The following SLC35F3 variants were observed in gnomAD, a reference collection of about 807,000 sequenced individuals.
SLC35F3 encodes the protein solute carrier family 35 member F3.
Under a neutral mutation model 49.9 loss-of-function variants are expected in SLC35F3, and 25 were observed. The ratio of observed to expected loss-of-function variants is 0.50; its 90% CI spans 0.37 to 0.70. The LOEUF (loss-of-function observed/expected upper bound fraction) is 0.70, where lower values mean the gene tolerates loss of function less well. Ranked by LOEUF, SLC35F3 falls within the 30% of genes least tolerant of loss-of-function variation. The pLI, the probability that SLC35F3 is intolerant of heterozygous loss-of-function variation, is 0.00. For synonymous variants in SLC35F3, 275 were observed against 265.4 expected (o/e 1.04, Z -0.35); for missense variants, 525 against 639.8 (o/e 0.82, Z 1.94).
At chr1:234,202,557 G>A (rs7531501) in intron 2 of SLC35F3, among the ~76,000 whole-genome samples, 54,197 of 152,226 alleles carry the variant, frequency 0.36, 17,069 homozygotes, top group East Asian at 0.88. Context: ...TGTGAATGAC[G>A]TGCTGAAAGG....
intron 3 of SLC35F3, among the ~76,000 whole-genome samples, chr1:234,297,558 C>T (rs1345166513): frequency 6.6e-6 from 1 of 152,122 alleles, no homozygotes. Context: ...ACTATATGAT[C>T]TCACTAATAT....
chr1:234,015,745 C>A (rs1213361768), intron 2 of SLC35F3, among the ~76,000 whole-genome samples: 2 of 152,028 alleles, frequency 1.3e-5, no homozygotes, highest in Non-Finnish European at 2.9e-5. Context: ...TTGCTCTGGG[C>A]AATGATGTTT....
intron 2 of SLC35F3, among the ~76,000 whole-genome samples, chr1:234,080,284 C>T (rs1030183568): frequency 1.3e-5 from 2 of 152,164 alleles, no homozygotes; most frequent in African/African-American, 4.8e-5. Flanking sequence ...GGCATGGAAG[C>T]TCCATGCCCT....
chr1:234,251,475 A>C (rs1667737609), intron 3 of SLC35F3, among the ~76,000 whole-genome samples: 1 of 150,440 alleles, frequency 6.6e-6, no homozygotes, highest in Non-Finnish European at 1.5e-5. Context: ...AAAAAAAAAA[A>C]AAAAAACACA....
intron 2 of SLC35F3, among the ~76,000 whole-genome samples, chr1:234,220,432 C>T (rs1202881992): frequency 1.3e-5 from 2 of 152,114 alleles, no homozygotes; most frequent in Non-Finnish European, 2.9e-5. Context: ...AGCAGCAGTC[C>T]ACACATGAGC....
chr1:233,944,452 T>C (rs1306992041), intron 2 of SLC35F3, among the ~76,000 whole-genome samples: 1 of 152,172 alleles, frequency 6.6e-6, no homozygotes, highest in Admixed American at 6.6e-5. Context: ...TATTTTCTAG[T>C]CATTTTAGTT....
intron 3 of SLC35F3, among the ~76,000 whole-genome samples, chr1:234,251,086 A>G: frequency 6.6e-6 from 1 of 152,186 alleles, no homozygotes. Flanking sequence ...ACAAAGTCTG[A>G]AAGGAACAAC....
chr1:234,008,149 A>G (rs999428752), intron 2 of SLC35F3, among the ~76,000 whole-genome samples: 7 of 78,364 alleles, frequency 8.9e-5, no homozygotes, highest in African/African-American at 2.1e-4. Flanking sequence ...GTCTTCTCTC[A>G]CTCATCTATT....
chr1:234,044,981 C>T (rs1380395350), intron 2 of SLC35F3, among the ~76,000 whole-genome samples: 1 of 152,114 alleles, frequency 6.6e-6, no homozygotes, highest in South Asian at 2.1e-4. Context: ...AATCTATTGC[C>T]AGTTATCTGC....
At position 234,037,612 on chromosome 1, in the gene SLC35F3, G is replaced by A. The variant is rs139181933; in HGVS notation, c.283+131854G>A. Among the ~76,000 whole-genome samples the A allele has an allele frequency of 1.7e-3, 265 of 152,308 alleles. 1 individual carries two copies. The highest frequency in any genetic ancestry group is 5.8e-3 in the African/African-American group (241 of 41,574). On this transcript the variant is annotated intron_variant, in intron 2 of 7. Coordinates refer to ENST00000366618, the MANE Select transcript of SLC35F3 (RefSeq NM_173508.4). ...TAAATAAGTGGATGGATAATAGAAC[G>A]TCAGGTAGGTATGGAAGAAAAAATA...
chr1:234,214,539 G>A lies in SLC35F3; in HGVS notation c.284-16878G>A. ...GCCCGGGTGGCCCCGCTCAGCGCCTGCAACAGTCCGGTCCTGACCCTTACC... is the reference window on the plus strand; with the variant it reads ...GCCCGGGTGGCCCCGCTCAGCGCCTACAACAGTCCGGTCCTGACCCTTACC... On this transcript the variant is annotated intron_variant, in intron 2 of 7. Coordinates refer to ENST00000366618, the MANE Select transcript of SLC35F3 (RefSeq NM_173508.4). This position sits in a 1 kb window ranked among gnomAD's most constrained non-coding sequence, Gnocchi z 8.0. 6.4e-7 allele frequency: 1 copy of A among 1,559,864 alleles called. No individual in the cohort carries two copies. The highest frequency in any genetic ancestry group is 8.7e-7 in the Non-Finnish European group (1 of 1,155,404).
chr1:234,263,880 G>A (rs748743754), intron 3 of SLC35F3, among the ~76,000 whole-genome samples: 6 of 152,182 alleles, frequency 3.9e-5, no homozygotes, highest in Non-Finnish European at 7.3e-5. Flanking sequence ...AGGCCGAGGC[G>A]GGCAGATGAC....
At chr1:234,029,941 A>G (rs1664034484) in intron 2 of SLC35F3, among the ~76,000 whole-genome samples, 1 of 152,144 alleles carries the variant, frequency 6.6e-6, no homozygotes, top group African/African-American at 2.4e-5. Context: ...CTTTCTTTCC[A>G]TTGCCTCAGA....
At chr1:234,037,943 G>A (rs1017650167) in intron 2 of SLC35F3, among the ~76,000 whole-genome samples, 52 of 152,084 alleles carry the variant, frequency 3.4e-4, no homozygotes, top group African/African-American at 1.2e-3. Context: ...TTTTTGTTTT[G>A]TTTTGTTTTC....
chr1:234,031,397 A>G (rs1035883635), intron 2 of SLC35F3, among the ~76,000 whole-genome samples: 9 of 152,340 alleles, frequency 5.9e-5, no homozygotes, highest in African/African-American at 1.7e-4. Context: ...CTGCGTATCA[A>G]TGAAGGAGCA....
rs1454985862 is a variant in SLC35F3 at position 234,319,061 on chromosome 1, G to A, written c.1147+118G>A. ...TCTTTGCTATTCTTTAGTTCTCACT[G>A]GTTTTTAAGATCTTTCTGTTTCACA... On this transcript the variant is annotated intron_variant, in intron 6 of 7. Coordinates refer to ENST00000366618, the MANE Select transcript of SLC35F3 (RefSeq NM_173508.4). 6 of 826,354 alleles carry A rather than the reference G, an allele frequency of 7.3e-6. No individual in the cohort carries two copies. The African/African-American group carries it at 8.6e-5, about 12-fold the overall frequency. The allele number at this position is 826,354 out of a possible 1,614,324, so 51.2% of individuals were successfully genotyped here.
intron 2 of SLC35F3, among the ~76,000 whole-genome samples, chr1:234,123,394 A>G (rs954416169): frequency 1.3e-5 from 2 of 152,086 alleles, no homozygotes; most frequent in Non-Finnish European, 2.9e-5. Context: ...GGCCATAACC[A>G]GTGTTAAGCA....
rs191101052 is a variant in SLC35F3 at position 234,063,002 on chromosome 1, T to C, written c.283+157244T>C. ...CCATGCCCGGCCTAGCAAAATCTCT[T>C]AATCAAGGTTCTGTGTGTGGAGAAA... is the stretch of plus-strand genomic sequence containing the variant. On this transcript the variant is annotated intron_variant, in intron 2 of 7. Coordinates refer to ENST00000366618, the MANE Select transcript of SLC35F3 (RefSeq NM_173508.4). 9.0e-4 allele frequency among the ~76,000 whole-genome samples: 137 copies of C among 152,166 alleles called. 1 individual carries two copies. Among genetic ancestry groups the C allele is most frequent in the Non-Finnish European group, 1.6e-4 (11 of 67,998 alleles).
At chr1:234,222,017 A>G (rs1419508073) in intron 2 of SLC35F3, among the ~76,000 whole-genome samples, 2 of 152,234 alleles carry the variant, frequency 1.3e-5, no homozygotes, top group Non-Finnish European at 2.9e-5. Flanking sequence ...TAGCATGTGC[A>G]TGTATGTGAG....
Sources: gnomAD v4.1 joint callset for allele counts (sites outside exome capture counted in the v4.1 genomes callset) on GRCh38, gnomAD v4.1.1 for gene constraint, Gnocchi (gnomAD v3.1) non-coding constraint, MANE v1.5 for transcripts, NCBI Gene and HGNC (gene_info 2026-07-23, HGNC 2026-07-21) for gene names.